Variants in IL1RL2 observed in about 807,000 individuals in gnomAD.
The protein encoded by IL1RL2 is interleukin-1 receptor-like 2.
A neutral mutation model predicts 66.8 loss-of-function variants in IL1RL2; 68 were observed. The observed-to-expected ratio is 1.02, with a 90% confidence interval of 0.84 to 1.25. The LOEUF (loss-of-function observed/expected upper bound fraction) is 1.25. Among genes scored for constraint, IL1RL2 ranks in the 50% most tolerant of loss-of-function variants. The pLI, the probability that IL1RL2 is intolerant of heterozygous loss-of-function variation, is 0.00. For missense variants in IL1RL2, 729 were observed against 709.3 expected, an observed-to-expected ratio of 1.03 and a Z score of -0.32; for synonymous variants, 305 against 264.6, an observed-to-expected ratio of 1.15 and a Z score of -1.48.
chr2:102,202,000 A>C (rs939037011), intron 5 of IL1RL2, among the ~76,000 whole-genome samples: 3 of 152,228 alleles, frequency 2.0e-5, no homozygotes, highest in African/African-American at 7.2e-5. Flanking sequence ...CTGCTGGGGT[A>C]CCTGATGAAA....
rs1205396126 is a variant in IL1RL2, at chr2:102,195,559, CTCTTTCTTTCTT to C, written c.489+3499_489+3510del. Among the ~76,000 whole-genome samples, 238 of 43,606 alleles carry C rather than the reference CTCTTTCTTTCTT, an allele frequency of 5.5e-3. 4 individuals are homozygous for C. The highest frequency in any genetic ancestry group is 7.4e-3 in the Non-Finnish European group (137 of 18,628). The allele number at this position is 43,606 out of a possible 152,430, so 28.6% of individuals were successfully genotyped here. Reference sequence around the variant, plus strand: ...ATTCCCTTATTCTATTTCTTTCTTTCTCTTTCTTTCTTTCTTTCTTTCTTTCTTTCTTTCTTT... The same window carrying C: ...ATTCCCTTATTCTATTTCTTTCTTTCTCTTTCTTTCTTTCTTTCTTTCTTT... On this transcript the variant is annotated intron_variant, in intron 4 of 11. Coordinates refer to ENST00000264257, the MANE Select transcript of IL1RL2 (RefSeq NM_003854.4).
intron 8 of IL1RL2, among the ~76,000 whole-genome samples, chr2:102,220,802 GC>G (rs1690052613): frequency 6.6e-6 from 1 of 152,144 alleles, no homozygotes; most frequent in African/African-American, 2.4e-5. Context: ...CATACATCAA[GC>G]TAAAGCCCCA....
At position 102,235,163 on chromosome 2, in the gene IL1RL2, C is replaced by T. The variant is rs1338590443; in HGVS notation, c.1564C>T (p.Gln522Ter). ...RWHGDFTEQS[Q>*]CMKTKFWKTV... ...GCATGGGGACTTCACGGAGCAGTCA[C>T]AGTGTATGAAGACCAAGTTTTGGAA... The change falls in exon 11 of 12, where the codon CAG becomes TAG. Residue 522 changes from glutamine to a stop codon, truncating the protein, a stop_gained. Transcript: ENST00000264257. LOFTEE classifies it high-confidence loss of function. 1.2e-6 allele frequency: 2 copies of T among 1,614,224 alleles called. No homozygotes were observed. Among genetic ancestry groups the T allele is most frequent in the African/African-American group, 1.3e-5 (1 of 75,050 alleles).
chr2:102,224,486 A>G lies in IL1RL2; in HGVS notation c.992-1412A>G, dbSNP rs35082114. On this transcript the variant is annotated intron_variant, in intron 8 of 11. Transcript: ENST00000264257. ...CCAGGCACAGAAAGACACATATTGC[A>G]TATTTTTACTCATTTGTGAGAACTA... Among the ~76,000 whole-genome samples, 831 of 152,334 alleles carry G rather than the reference A, an allele frequency of 5.5e-3. 11 individuals are homozygous for G. Among genetic ancestry groups the G allele is most frequent in the African/African-American group, 0.019 (798 of 41,570 alleles).
chr2:102,210,412 G>A (rs1689067198), intron 5 of IL1RL2, among the ~76,000 whole-genome samples: 1 of 152,156 alleles, frequency 6.6e-6, no homozygotes, highest in African/African-American at 2.4e-5. Flanking sequence ...TCAAAAGCAG[G>A]AGAGTAGCAT....
rs1424551356 is a variant in IL1RL2 at position 102,232,975 on chromosome 2, A to G, written c.1148A>G (p.Tyr383Cys). 28 of 1,611,480 alleles carry G rather than the reference A, an allele frequency of 1.7e-5. No individual in the cohort carries two copies. Among genetic ancestry groups the G allele is most frequent in the African/African-American group, 4.0e-5 (3 of 74,818 alleles). ...STETIVDGKL[Y>C]DAYVLYPKPH... ...AATTCCTTTTCAGATGGGAAGCTGT[A>G]TGACGCCTATGTCTTATACCCCAAG... Residue 383 changes from tyrosine (Y) to cysteine (C), a missense_variant, in exon 10 of 12, where the codon TAT (tyrosine) becomes TGT (cysteine). By Grantham distance (194) the Tyr-to-Cys change is radical (BLOSUM62 -2). Coordinates refer to ENST00000264257, the MANE Select transcript of IL1RL2 (RefSeq NM_003854.4).
Position 102,218,935 on chromosome 2 carries a change from G to A in IL1RL2, c.725-18G>A. 1 of 1,602,728 alleles carries A rather than the reference G, an allele frequency of 6.2e-7. No homozygotes were observed. Reference sequence around the variant, plus strand: ...TGTAGAATTTTCATTGAATATTGATGATATTGGTTTTTTTTAGGTACCACT... The same window carrying A: ...TGTAGAATTTTCATTGAATATTGATAATATTGGTTTTTTTTAGGTACCACT... On this transcript the variant is annotated intron_variant, in intron 6 of 11. Coordinates refer to ENST00000264257, the MANE Select transcript of IL1RL2 (RefSeq NM_003854.4).
intron 5 of IL1RL2, among the ~76,000 whole-genome samples, chr2:102,210,547 C>A (rs1227246180): frequency 6.6e-6 from 1 of 152,140 alleles, no homozygotes; most frequent in African/African-American, 2.4e-5. Flanking sequence ...AACATGATGT[C>A]ATTGAAGATG....
Position 102,235,214 on chromosome 2 carries a change from A to T in IL1RL2, c.1615A>T (p.Arg539Ter). 1 of 1,614,240 alleles carries T rather than the reference A, an allele frequency of 6.2e-7. No homozygotes were observed. The highest frequency in any genetic ancestry group is 8.5e-7 in the Non-Finnish European group (1 of 1,180,048). Residue 539 changes from arginine to a stop codon, truncating the protein, a stop_gained, in exon 11 of 12, where the codon AGA becomes TGA. Transcript: ENST00000264257. LOFTEE classifies it high-confidence loss of function. Reference sequence around the variant, plus strand: ...GACAGTGAGATACCACATGCCGCCCAGAAGGTGTCGGCCGTTTCCTCCGGT... The same window carrying T: ...GACAGTGAGATACCACATGCCGCCCTGAAGGTGTCGGCCGTTTCCTCCGGT... The part of the protein sequence containing the change: ...WKTVRYHMPP[R>*]RCRPFPPVQL...
rs1184174233 is a variant in IL1RL2 at position 102,218,970 on chromosome 2, G to T, written c.742G>T (p.Asp248Tyr). 6.2e-7 allele frequency: 1 copy of T among 1,613,022 alleles called. No homozygotes were observed. Among genetic ancestry groups the T allele is most frequent in the Non-Finnish European group, 8.5e-7 (1 of 1,179,340 alleles). ...TTTTTTAGGTACCACTCTGATTGTG[G>T]ACTGCAATGTAACAGACACCAAGGA... is the stretch of plus-strand genomic sequence containing the variant. The part of the protein sequence containing the change: ...EVQLGTTLIV[D>Y]CNVTDTKDNT... The change falls in exon 7 of 12, where the codon GAC becomes TAC. Residue 248 changes from aspartate to tyrosine, a missense_variant. Transcript: ENST00000264257.
Position 102,232,943 on chromosome 2 carries a change from C to T in IL1RL2, c.1136-20C>T. The T allele has an allele frequency of 6.3e-7, 1 of 1,598,768 alleles. No individual in the cohort carries two copies. Among genetic ancestry groups the T allele is most frequent in the South Asian group, 1.1e-5 (1 of 90,170 alleles). ...AATTTGGTAGCAACAATTCCACAAG[C>T]TTGTCCAATTCCTTTTCAGATGGGA... On this transcript the variant is annotated intron_variant, in intron 9 of 11. Transcript: ENST00000264257.
chr2:102,231,120 C>T (rs952606125), intron 9 of IL1RL2, among the ~76,000 whole-genome samples: 5 of 152,226 alleles, frequency 3.3e-5, no homozygotes, highest in Admixed American at 1.3e-4. Context: ...CTTACCTCTT[C>T]TTCCACTCAA....
At chr2:102,227,677 C>T (rs932497336) in intron 9 of IL1RL2, among the ~76,000 whole-genome samples, 1 of 152,082 alleles carries the variant, frequency 6.6e-6, no homozygotes, top group African/African-American at 2.4e-5. Flanking sequence ...CAGTTCAGTC[C>T]CCCACCACTG....
intron 5 of IL1RL2, among the ~76,000 whole-genome samples, chr2:102,206,879 G>T (rs1688751203): frequency 6.6e-6 from 1 of 152,222 alleles, no homozygotes; most frequent in Non-Finnish European, 1.5e-5. Flanking sequence ...ATCTAGGAGT[G>T]AGGGATTAGA....
chr2:102,214,146 G>T (rs1237762137), intron 6 of IL1RL2, among the ~76,000 whole-genome samples: 2 of 152,054 alleles, frequency 1.3e-5, no homozygotes, highest in Admixed American at 1.3e-4. Flanking sequence ...TCTCTTAATT[G>T]ACTTTCTTTC....
chr2:102,234,946 T>G lies in IL1RL2; in HGVS notation c.1347T>G (p.Ile449Met). ...DENVKLCRRL[I>M]VIVVPESLGF... The stretch of plus-strand genomic sequence containing the variant: ...ACGTTAAGCTGTGCAGGAGGCTGAT[T>G]GTCATTGTGGTCCCCGAATCGCTGG... The change falls in exon 11 of 12, where the codon ATT becomes ATG. Residue 449 changes from isoleucine (I) to methionine (M), a missense_variant. Coordinates refer to ENST00000264257, the MANE Select transcript of IL1RL2 (RefSeq NM_003854.4). 2.0e-5 allele frequency: 32 copies of G among 1,614,228 alleles called. No homozygotes were observed. The highest frequency in any genetic ancestry group is 2.7e-5 in the Non-Finnish European group (32 of 1,180,038).
At chr2:102,224,270 A>G (rs1295848698) in intron 8 of IL1RL2, among the ~76,000 whole-genome samples, 2 of 152,260 alleles carry the variant, frequency 1.3e-5, no homozygotes, top group Non-Finnish European at 2.9e-5. Context: ...GTGAACTCCC[A>G]TGTATATTGC....
chr2:102,234,927 A>G lies in IL1RL2; in HGVS notation c.1328A>G (p.Lys443Arg), dbSNP rs1198732920. The change falls in exon 11 of 12, where the codon AAG becomes AGG. Residue 443 changes from lysine (K) to arginine (R), a missense_variant. Lys to Arg is a conservative substitution (Grantham distance 26, BLOSUM62 2). Coordinates refer to ENST00000264257, the MANE Select transcript of IL1RL2 (RefSeq NM_003854.4). ...AVANVIDENV[K>R]LCRRLIVIVV... ...GCCAATGTCATCGATGAAAACGTTAAGCTGTGCAGGAGGCTGATTGTCATT... is the reference window on the plus strand; with the variant it reads ...GCCAATGTCATCGATGAAAACGTTAGGCTGTGCAGGAGGCTGATTGTCATT... The G allele has an allele frequency of 2.5e-6, 4 of 1,613,924 alleles. No individual in the cohort carries two copies. Among genetic ancestry groups the G allele is most frequent in the Non-Finnish European group, 2.5e-6 (3 of 1,179,938 alleles).
Position 102,195,617 on chromosome 2 carries a change from C to CTT in IL1RL2, c.489+3499_489+3500dup, listed in dbSNP as rs1374089317. Among the ~76,000 whole-genome samples the CTT allele has an allele frequency of 2.8e-3, 48 of 17,170 alleles. 1 individual carries two copies. The highest frequency in any genetic ancestry group is 6.5e-3 in the African/African-American group (46 of 7,054). The allele number at this position is 17,170 out of a possible 152,430, so 11.3% of individuals were successfully genotyped here. On this transcript the variant is annotated intron_variant, in intron 4 of 11. Coordinates refer to ENST00000264257, the MANE Select transcript of IL1RL2 (RefSeq NM_003854.4). ...TCTTTCTTTCTTTCTTTCTTTCTTT[C>CTT]TTTCTTTCTTTCTCTCTCTCTCTCT...
Sources: gnomAD v4.1 joint callset for allele counts (sites outside exome capture counted in the v4.1 genomes callset) on GRCh38, gnomAD v4.1.1 for gene constraint, MANE v1.5 for transcripts, NCBI Gene and HGNC (gene_info 2026-07-23, HGNC 2026-07-21) for gene names.